The following ARHGEF18 variants were observed in gnomAD, a reference collection of about 807,000 sequenced individuals.
The protein encoded by ARHGEF18 is Rho/Rac guanine nucleotide exchange factor 18.
Under a neutral mutation model 155.7 loss-of-function variants are expected in ARHGEF18, and 93 were observed. The ratio of observed to expected loss-of-function variants is 0.60; its 90% CI spans 0.50 to 0.71. The LOEUF (loss-of-function observed/expected upper bound fraction) is 0.71. Among genes scored for constraint, ARHGEF18 ranks in the 30% least tolerant of loss-of-function variants. The pLI is 0.00. For synonymous variants in ARHGEF18, 742 were observed against 753.1 expected (o/e 0.99, Z 0.24); for missense variants, 1,593 against 1,816.1 (o/e 0.88, Z 2.23).
In ARHGEF18 at chr19:7,350,772, GTGTGTGTGT is replaced by G. The variant is rs1969137830; in HGVS notation, c.-111+1532_-111+1540del. Among the ~76,000 whole-genome samples the G allele has an allele frequency of 0.024, 668 of 27,444 alleles. 31 individuals are homozygous for G. The East Asian group carries it at 0.29, about 12-fold the overall frequency. 18.0% of individuals were successfully genotyped at this position (27,444 alleles called of 152,430 possible). ...CTGTTGAGTTTTTTGGGGTGGGTGT[GTGTGTGTGT>G]GTGTGTGTGTGTGTGTGTGTGTGTG... On this transcript the variant is annotated intron_variant, in intron 1 of 28. Transcript: ENST00000668164.
In ARHGEF18 at chr19:7,385,872, C is replaced by CTCTCTCT. The variant is rs1568285803; in HGVS notation, c.967+2669_967+2670insTCTCTCT. Among the ~76,000 whole-genome samples the CTCTCTCT allele has an allele frequency of 2.0e-4, 10 of 49,712 alleles. No individual in the cohort carries two copies. The East Asian group carries it at 4.9e-3, about 24-fold the overall frequency. 32.6% of individuals were successfully genotyped at this position (49,712 alleles called of 152,430 possible). A position where few individuals can be genotyped will look rare whatever the true frequency, so the allele number is the denominator to read the frequency against. On this transcript the variant is annotated intron_variant, in intron 10 of 28. Transcript: ENST00000668164. ...CTCTCTCTCTCTCTCTCTCTCTCTCCCCCCTCCCTCTCTCCCTCCCTCCCT... is the reference window on the plus strand; with the variant it reads ...CTCTCTCTCTCTCTCTCTCTCTCTCCTCTCTCTCCCCTCCCTCTCTCCCTCCCTCCCT...
chr19:7,434,227 G>A (rs539872543), intron 10 of ARHGEF18, among the ~76,000 whole-genome samples: 8 of 151,962 alleles, frequency 5.3e-5, no homozygotes, highest in East Asian at 1.9e-4. Flanking sequence ...AGCCTCAAGC[G>A]ATCCTCCCAC....
In ARHGEF18 at chr19:7,458,550, C is replaced by A. The variant is rs779798271; in HGVS notation, c.2220C>A (p.Ile740=). ...CCGTCATCTCGTTACAAAAGCTCAT[C>A]GTGAGGGAAGTGGCCAACGAGGAGA... is the stretch of plus-strand genomic sequence containing the variant. ...KPPVISLQKL[I]VREVANEEKA... Residue 740 remains isoleucine, a synonymous_variant, in exon 19 of 29, where the codon ATC becomes ATA. Coordinates refer to ENST00000668164, the MANE Select transcript of ARHGEF18 (RefSeq NM_001367823.1). 2 of 1,614,080 alleles carry A rather than the reference C, an allele frequency of 1.2e-6. No individual in the cohort carries two copies. The highest frequency in any genetic ancestry group is 2.2e-5 in the South Asian group (2 of 91,088).
intron 10 of ARHGEF18, among the ~76,000 whole-genome samples, chr19:7,429,867 C>T (rs1973860375): frequency 6.6e-6 from 1 of 152,110 alleles, no homozygotes. Context: ...CAGAGCGCTC[C>T]CGTGCATATG....
chr19:7,359,698 C>T (rs1055054572), intron 1 of ARHGEF18, among the ~76,000 whole-genome samples: 1 of 152,060 alleles, frequency 6.6e-6, no homozygotes, highest in African/African-American at 2.4e-5. Context: ...GATCAAGGCT[C>T]AGTATATGAC....
chr19:7,441,872 G>T, intron 12 of ARHGEF18, 40 bp from the exon 13 acceptor site: 1 of 1,613,310 alleles, frequency 6.2e-7, no homozygotes, highest in Non-Finnish European at 8.5e-7. Flanking sequence ...GGGTGGCATG[G>T]CTCTGGGCCC....
At chr19:7,441,341 G>T (rs12719936) in intron 11 of ARHGEF18, among the ~76,000 whole-genome samples, 47,816 of 151,606 alleles carry the variant, frequency 0.32, 7,943 homozygotes, top group Middle Eastern at 0.48. Context: ...CACCACACCC[G>T]GCTAATTTTT....
At chr19:7,415,798 G>A (rs1356111697) in intron 10 of ARHGEF18, among the ~76,000 whole-genome samples, 2 of 152,034 alleles carry the variant, frequency 1.3e-5, no homozygotes, top group Non-Finnish European at 2.9e-5. Flanking sequence ...CTTGGGATTT[G>A]CAGAGTCAGT....
intron 2 of ARHGEF18, among the ~76,000 whole-genome samples, chr19:7,369,744 C>T (rs934251493): frequency 6.6e-6 from 1 of 152,042 alleles, no homozygotes; most frequent in Non-Finnish European, 1.5e-5. Context: ...TTTCAGTGAG[C>T]TGATACTATG....
chr19:7,441,947 T>C lies in ARHGEF18; in HGVS notation c.1255T>C (p.Ser419Pro), dbSNP rs375853873. The change falls in exon 13 of 29, where the codon TCA becomes CCA. Residue 419 changes from serine (S) to proline (P), a missense_variant. Physicochemically the swap from Ser to Pro is moderately conservative, Grantham distance 74. Transcript: ENST00000668164. The stretch of plus-strand genomic sequence containing the variant: ...CGCCTCGCTGAGGAGTGAGATTGAG[T>C]CAGACGGCCACGAGTTTGAAGCTGA... ...YTASLRSEIE[S>P]DGHEFEAESW... 2.7e-5 allele frequency: 43 copies of C among 1,613,644 alleles called. No individual in the cohort carries two copies. The highest frequency in any genetic ancestry group is 9.3e-6 in the Non-Finnish European group (11 of 1,179,946).
chr19:7,417,012 C>T (rs1351982356), intron 10 of ARHGEF18, among the ~76,000 whole-genome samples: 4 of 151,914 alleles, frequency 2.6e-5, no homozygotes, highest in Non-Finnish European at 2.9e-5. Flanking sequence ...CAGGTTCAAG[C>T]GATTCTCCTG....
At chr19:7,362,400 C>T (rs1479309657) in intron 1 of ARHGEF18, among the ~76,000 whole-genome samples, 1 of 151,968 alleles carries the variant, frequency 6.6e-6, no homozygotes, top group African/African-American at 2.4e-5. Flanking sequence ...GTCTACGGGA[C>T]CATTAGCATC....
At chr19:7,418,825 T>C (rs544299856) in intron 10 of ARHGEF18, among the ~76,000 whole-genome samples, 23 of 152,096 alleles carry the variant, frequency 1.5e-4, no homozygotes, top group South Asian at 1.0e-3. Context: ...TGGCACTCAT[T>C]GACGGCTCTT....
chr19:7,476,101 A>T (rs985505961), downstream of ARHGEF18, among the ~76,000 whole-genome samples: 6 of 152,362 alleles, frequency 3.9e-5, no homozygotes, highest in African/African-American at 1.4e-4. Context: ...ACTTGAAGCC[A>T]GGAGTTCAAG....
downstream of ARHGEF18, chr19:7,477,203 CA>C (rs566027935): frequency 3.1e-4 from 467 of 1,491,044 alleles, 2 homozygotes; most frequent in East Asian, 0.011. Flanking sequence ...CCGGCAGTGT[CA>C]GGGGGTAGTG....
intron 17 of ARHGEF18, among the ~76,000 whole-genome samples, chr19:7,455,571 G>A (rs1433054681): frequency 3.9e-5 from 6 of 152,152 alleles, no homozygotes; most frequent in African/African-American, 1.4e-4. Flanking sequence ...CGCTGCTGTG[G>A]CTCGGGTCCT....
At chr19:7,428,900 AC>A (rs1973807834) in intron 10 of ARHGEF18, among the ~76,000 whole-genome samples, 1 of 152,144 alleles carries the variant, frequency 6.6e-6, no homozygotes, top group Non-Finnish European at 1.5e-5. Flanking sequence ...ATCTGATGTG[AC>A]ACCAGTGCCT....
At chr19:7,451,118 T>G (rs766699163) in intron 15 of ARHGEF18, 31 bp from the exon 16 acceptor site, 1 of 1,602,982 alleles carries the variant, frequency 6.2e-7, no homozygotes, top group Non-Finnish European at 8.5e-7. Flanking sequence ...TTCTGAGATG[T>G]TAATACAGGA....
At chr19:7,413,558 C>T (rs1023139318) in intron 10 of ARHGEF18, among the ~76,000 whole-genome samples, 17 of 152,048 alleles carry the variant, frequency 1.1e-4, no homozygotes, top group African/African-American at 4.1e-4. Flanking sequence ...GCCTCGGCCT[C>T]CCAAAGTGCT....
Sources: gnomAD v4.1 joint callset for allele counts (sites outside exome capture counted in the v4.1 genomes callset) on GRCh38, gnomAD v4.1.1 for gene constraint, MANE v1.5 for transcripts, NCBI Gene and HGNC (gene_info 2026-07-23, HGNC 2026-07-21) for gene names.